The following PHF21B variants were observed in gnomAD, a reference collection of about 807,000 sequenced individuals.
PHF21B encodes the protein PHD finger protein 21B.
A neutral mutation model predicts 62.2 loss-of-function variants in PHF21B; 22 were observed. The ratio of observed to expected loss-of-function variants is 0.35; its 90% CI spans 0.25 to 0.51. PHF21B has a LOEUF of 0.51. Ranked by LOEUF, PHF21B falls within the 20% of genes least tolerant of loss-of-function variation. PHF21B has a pLI of 0.97. For synonymous variants in PHF21B, 341 were observed against 314.7 expected, an observed-to-expected ratio of 1.08 and a Z score of -0.88; for missense variants, 701 against 707.9, an observed-to-expected ratio of 0.99 and a Z score of 0.11.
Position 44,916,347 on chromosome 22 carries a change from C to A in PHF21B, c.497G>T (p.Ser166Ile). ...SPSNAAAMAP[S>I]TAVSVVSDSI... Reference sequence around the variant, plus strand: ...GTCACTGACCACAGACACGGCGGTGCTGGGGGCCATGGCGGCGGCATTGCT... The same window carrying A: ...GTCACTGACCACAGACACGGCGGTGATGGGGGCCATGGCGGCGGCATTGCT... Residue 166 changes from serine to isoleucine, a missense_variant, in exon 4 of 13, where the codon AGC becomes ATC. Physicochemically the swap from Ser to Ile is moderately radical, Grantham distance 142. Coordinates refer to ENST00000313237, the MANE Select transcript of PHF21B (RefSeq NM_138415.5). The A allele has an allele frequency of 6.3e-7, 1 of 1,598,340 alleles. No homozygotes were observed.
chr22:44,995,932 G>A (rs992581276), intron 2 of PHF21B, among the ~76,000 whole-genome samples: 14 of 152,256 alleles, frequency 9.2e-5, no homozygotes, highest in African/African-American at 3.1e-4. Context: ...ACAGCGGAGG[G>A]GACGTGGCAA....
intron 2 of PHF21B, among the ~76,000 whole-genome samples, chr22:44,961,697 C>T (rs373680370): frequency 3.0e-4 from 45 of 151,958 alleles, no homozygotes; most frequent in African/African-American, 8.7e-4. Flanking sequence ...GAAAATAAGC[C>T]AGGCGTGGTG....
chr22:44,885,081 G>A (rs568184749), intron 12 of PHF21B, among the ~76,000 whole-genome samples: 35 of 152,376 alleles, frequency 2.3e-4, no homozygotes, highest in South Asian at 1.9e-3. Context: ...GAGTCACAGC[G>A]CTGCCTTCTC....
chr22:44,905,927 C>T lies in PHF21B; in HGVS notation c.831+7895G>A, dbSNP rs140905417. 1.8e-4 allele frequency among the ~76,000 whole-genome samples: 27 copies of T among 152,368 alleles called. No homozygotes were observed. In the East Asian group the frequency reaches 4.8e-3, roughly 27 times the overall value. On this transcript the variant is annotated intron_variant, in intron 5 of 12. Coordinates refer to ENST00000313237, the MANE Select transcript of PHF21B (RefSeq NM_138415.5). Reference sequence around the variant, plus strand: ...AATTTCTTTCTTTTTCTCTCCCTCACGCTTACCCTTCCCTTTCAGCAAGTT... The same window carrying T: ...AATTTCTTTCTTTTTCTCTCCCTCATGCTTACCCTTCCCTTTCAGCAAGTT...
At chr22:44,915,651 T>C (rs1354852608) in intron 4 of PHF21B, among the ~76,000 whole-genome samples, 2 of 152,042 alleles carry the variant, frequency 1.3e-5, no homozygotes, top group African/African-American at 4.8e-5. Flanking sequence ...AAGCAGAAGG[T>C]ACCCCAGCCA....
At chr22:44,994,108 G>A (rs752828125) in intron 2 of PHF21B, among the ~76,000 whole-genome samples, 3 of 152,334 alleles carry the variant, frequency 2.0e-5, no homozygotes, top group East Asian at 3.9e-4. Flanking sequence ...CTGCTGCGTC[G>A]GCCCGGGGCA....
At chr22:44,895,056 G>A (rs2071033117) in intron 6 of PHF21B, among the ~76,000 whole-genome samples, 1 of 152,228 alleles carries the variant, frequency 6.6e-6, no homozygotes, top group Non-Finnish European at 1.5e-5. Flanking sequence ...AACGCTAGGC[G>A]AACCTTCCCG....
At chr22:44,946,232 T>C (rs1268252847) in intron 2 of PHF21B, among the ~76,000 whole-genome samples, 1 of 146,394 alleles carries the variant, frequency 6.8e-6, no homozygotes, top group Non-Finnish European at 1.5e-5. Flanking sequence ...GGGCTCGGGG[T>C]GGGGAGGGAT....
intron 2 of PHF21B, among the ~76,000 whole-genome samples, chr22:44,988,726 G>A (rs1203393536): frequency 1.3e-5 from 2 of 152,158 alleles, no homozygotes; most frequent in East Asian, 3.8e-4. Flanking sequence ...CCTGCACATC[G>A]AGAAAAAAGC....
At chr22:44,905,088 C>G (rs535790130) in intron 5 of PHF21B, among the ~76,000 whole-genome samples, 1 of 152,310 alleles carries the variant, frequency 6.6e-6, no homozygotes, top group African/African-American at 2.4e-5. Flanking sequence ...TAAAAACTCA[C>G]ACTGATGCTC....
chr22:44,944,164 C>T (rs911441205), intron 2 of PHF21B, among the ~76,000 whole-genome samples: 11 of 152,240 alleles, frequency 7.2e-5, no homozygotes, highest in African/African-American at 2.7e-4. Flanking sequence ...GTGCGCCCAG[C>T]ATCCAGTGGC....
chr22:44,962,868 C>T (rs1272552104), intron 2 of PHF21B, among the ~76,000 whole-genome samples: 1 of 152,144 alleles, frequency 6.6e-6, no homozygotes, highest in Admixed American at 6.5e-5. Flanking sequence ...TTTAGAGGCC[C>T]TACAAGAACA....
At chr22:44,930,787 C>CG (rs1436163885) in intron 2 of PHF21B, among the ~76,000 whole-genome samples, 5 of 112 alleles carry the variant, frequency 0.045, no homozygotes, top group East Asian at 0.42. Context: ...GCTGGCCAAG[C>CG]CCTGAAAGGG....
At chr22:44,883,596 C>T (rs1219224136) in intron 12 of PHF21B, among the ~76,000 whole-genome samples, 1 of 152,156 alleles carries the variant, frequency 6.6e-6, no homozygotes, top group Non-Finnish European at 1.5e-5. Flanking sequence ...CCACACTCTT[C>T]CTCCTCCTCC....
intron 5 of PHF21B, among the ~76,000 whole-genome samples, chr22:44,910,072 G>C (rs1290907091): frequency 6.6e-6 from 1 of 152,226 alleles, no homozygotes; most frequent in African/African-American, 2.4e-5. Flanking sequence ...AAACTCGAAG[G>C]CATGTTGAAC....
At chr22:44,948,904 G>A (rs2072134014) in intron 2 of PHF21B, among the ~76,000 whole-genome samples, 1 of 152,222 alleles carries the variant, frequency 6.6e-6, no homozygotes, top group Admixed American at 6.5e-5. Context: ...TTCTAGCACA[G>A]ACAAAGGTGA....
chr22:44,892,402 G>A (rs913978970), intron 7 of PHF21B, among the ~76,000 whole-genome samples: 3 of 152,236 alleles, frequency 2.0e-5, no homozygotes, highest in African/African-American at 7.2e-5. Context: ...CCACAGACAG[G>A]GCAATTGCAG....
intron 2 of PHF21B, among the ~76,000 whole-genome samples, chr22:44,999,281 A>C (rs921859528): frequency 1.3e-5 from 2 of 152,178 alleles, no homozygotes; most frequent in Non-Finnish European, 2.9e-5. Context: ...TCTCCACCTT[A>C]AACTATAAAA....
intron 5 of PHF21B, among the ~76,000 whole-genome samples, chr22:44,896,883 T>TTTTTTTTTTTTTTTTTTTTTTTTG (rs1555933178): frequency 7.6e-6 from 1 of 132,322 alleles, no homozygotes; most frequent in Non-Finnish European, 1.6e-5. Context: ...TTTATCTGTT[T>TTTTTTTTTTTTTTTTTTTTTTTTG]TTTTTTTTTT....
Sources: allele counts gnomAD v4.1 joint callset (sites outside exome capture counted in the v4.1 genomes callset), GRCh38; gene constraint gnomAD v4.1.1; transcripts MANE v1.5; gene names NCBI Gene and HGNC (gene_info 2026-07-23, HGNC 2026-07-21).